CDK16: variants seen among roughly 807,000 people sequenced by gnomAD.
CDK16 encodes the protein cyclin dependent kinase 16.
A neutral mutation model predicts 41.6 loss-of-function variants in CDK16; 2 were observed. The ratio of observed to expected loss-of-function variants is 0.05; its 90% CI spans 0.02 to 0.15. The LOEUF is 0.15. Ranked by LOEUF, CDK16 falls within the 10% of genes least tolerant of loss-of-function variation. The pLI is 1.00. For missense variants in CDK16, 228 were observed against 428.9 expected (o/e 0.53, Z 4.14); for synonymous variants, 169 against 169.7 (o/e 1.00, Z 0.03).
In CDK16 at chrX:47,229,600, C is replaced by T. The variant is rs1247237463; in HGVS notation, c.*832C>T. ...CCCCACTCTTTCTCTCCTGCAGTCC[C>T]GTAGCTGGGGCCTCCTTCCTTCTCA... On this transcript the variant is annotated 3_prime_UTR_variant, in exon 16 of 16. Coordinates refer to ENST00000357227, the MANE Select transcript of CDK16 (RefSeq NM_006201.5). The T allele has an allele frequency of 1.8e-5, 4 of 223,146 alleles. No homozygotes were observed. In the Admixed American group the frequency reaches 2.6e-4, roughly 14 times the overall value. 18.4% of individuals were successfully genotyped at this position (223,146 alleles called of 1,213,427 possible). A position where few individuals can be genotyped will look rare whatever the true frequency, so the allele number is the denominator to read the frequency against.
rs781924240 is a variant in CDK16, at chrX:47,218,683, A to G, written c.-429A>G. ...GTCCGAGGTGAGTCCCCTCCTTTCC[A>G]CTTCACCCTTCCGAGCGCCTGCGTG... is the stretch of plus-strand genomic sequence containing the variant. On this transcript the variant is annotated 5_prime_UTR_variant, in exon 1 of 16. Transcript: ENST00000357227. 8.6e-7 allele frequency: 1 copy of G among 1,164,411 alleles called. No homozygotes were observed. Among genetic ancestry groups the G allele is most frequent in the Non-Finnish European group, 1.1e-6 (1 of 872,080 alleles).
intron 15 of CDK16, 43 bp from the exon 16 acceptor site, chrX:47,228,688 C>G: frequency 8.3e-7 from 1 of 1,208,221 alleles, no homozygotes; most frequent in Non-Finnish European, 1.1e-6. Flanking sequence ...ACCCACCTAC[C>G]TGCTTACCCA....
intron 1 of CDK16, among the ~76,000 whole-genome samples, chrX:47,220,331 G>A (rs1353210859): frequency 1.9e-5 from 2 of 107,288 alleles, no homozygotes; most frequent in African/African-American, 6.9e-5. Flanking sequence ...TGTAATAAGG[G>A]GGATCAGGGC....
chrX:47,222,564 T>C (rs1431886182), intron 1 of CDK16, among the ~76,000 whole-genome samples: 3 of 102,158 alleles, frequency 2.9e-5, no homozygotes, highest in African/African-American at 1.1e-4. Context: ...GGGAAGGGTG[T>C]TCCAGGTACC....
intron 1 of CDK16, chrX:47,223,068 G>C: frequency 8.7e-7 from 1 of 1,151,316 alleles, no homozygotes. Flanking sequence ...AGTCTGCCTT[G>C]GCCTTTGAGG....
chrX:47,220,689 G>A (rs892547766), intron 1 of CDK16, among the ~76,000 whole-genome samples: 2 of 110,893 alleles, frequency 1.8e-5, no homozygotes, highest in East Asian at 5.7e-4. Context: ...AGAGGGGACA[G>A]GACAGTGGAA....
At chrX:47,219,986 G>A (rs1193957896) in intron 1 of CDK16, among the ~76,000 whole-genome samples, 2 of 110,486 alleles carry the variant, frequency 1.8e-5, no homozygotes, top group Non-Finnish European at 3.8e-5. Context: ...GGAAGGAGTG[G>A]TGGGGAAGTG....
Position 47,219,066 on chromosome X carries a change from C to T in CDK16, c.-46C>T. On this transcript the variant is annotated 5_prime_UTR_variant, in exon 1 of 16. Transcript: ENST00000357227. ...GGCCGCCGCCCCAGGCGCCGCCGCG[C>T]CGGCCCCGCGGCTCTGAGGTTGCTC... 2.4e-6 allele frequency: 2 copies of T among 819,541 alleles called. No individual in the cohort carries two copies. The highest frequency in any genetic ancestry group is 2.2e-5 in the African/African-American group (1 of 44,531). The allele number at this position is 819,541 out of a possible 1,213,427, so 67.5% of individuals were successfully genotyped here. A position where few individuals can be genotyped will look rare whatever the true frequency, so the allele number is the denominator to read the frequency against.
chrX:47,227,640 G>C (rs2147337924), intron 14 of CDK16, 171 bp downstream of exon 14: 1 of 438,200 alleles, frequency 2.3e-6, no homozygotes, highest in Admixed American at 4.4e-5. Flanking sequence ...TTAGTTTTCA[G>C]TTCCTTTTAC....
rs1556796204 is a variant in CDK16 at position 47,218,766 on chromosome X, A to G, written c.-346A>G. 2.6e-6 allele frequency: 3 copies of G among 1,153,947 alleles called. No homozygotes were observed. Among genetic ancestry groups the G allele is most frequent in the Non-Finnish European group, 3.4e-6 (3 of 869,893 alleles). ...GGGCCGTTGGCTGTTCGGCCCTGGG[A>G]TCCGCCGCCACTCCGCGATCAGACC... On this transcript the variant is annotated 5_prime_UTR_variant, in exon 1 of 16. Transcript: ENST00000357227.
chrX:47,219,151 A>G, intron 1 of CDK16, 46 bp downstream of exon 1: 1 of 784,721 alleles, frequency 1.3e-6, no homozygotes, highest in Non-Finnish European at 1.5e-6. Context: ...CTCCTTCAGA[A>G]CCCACCTCGG....
At chrX:47,219,827 G>A (rs191663057) in intron 1 of CDK16, among the ~76,000 whole-genome samples, 2 of 110,822 alleles carry the variant, frequency 1.8e-5, no homozygotes, top group Admixed American at 1.9e-4. Flanking sequence ...GTATGCCTGT[G>A]GCCTCGAAGG....
chrX:47,220,647 C>T (rs949216542), intron 1 of CDK16, among the ~76,000 whole-genome samples: 1 of 109,964 alleles, frequency 9.1e-6, no homozygotes, highest in East Asian at 2.9e-4. Context: ...TAATAGAAAT[C>T]AGGCCTGAGT....
intron 1 of CDK16, chrX:47,222,737 A>T: frequency 5.6e-6 from 1 of 178,933 alleles, no homozygotes. Context: ...CACATTGAGG[A>T]CTGGGGCGTG....
intron 1 of CDK16, 95 bp downstream of exon 1, chrX:47,219,200 C>A: frequency 1.3e-6 from 1 of 747,627 alleles, no homozygotes; most frequent in Non-Finnish European, 1.6e-6. Flanking sequence ...CTGGCAGGTG[C>A]CCCCACCCCC....
At chrX:47,222,970 C>CCGGGG in intron 1 of CDK16, 1 of 875,929 alleles carries the variant, frequency 1.1e-6, no homozygotes, top group Non-Finnish European at 1.5e-6. Flanking sequence ...CCCCCCCCAC[C>CCGGGG]TGGGTAGATG....
rs147884170 is a variant in CDK16, at chrX:47,229,263, GT to G, written c.*508del. 5,240 of 154,504 alleles carry G rather than the reference GT, an allele frequency of 0.034. 21 individuals carry two copies. The highest frequency in any genetic ancestry group is 0.073 in the South Asian group (775 of 10,607). 12.7% of individuals were successfully genotyped at this position (154,504 alleles called of 1,213,427 possible). ...CCTTTTTTTGTTTGTTTCATTCATTGTTTTTTTTTTTTTAATTATTTTAAAT... is the reference window on the plus strand; with the variant it reads ...CCTTTTTTTGTTTGTTTCATTCATTGTTTTTTTTTTTTAATTATTTTAAAT... On this transcript the variant is annotated 3_prime_UTR_variant, in exon 16 of 16. Transcript: ENST00000357227.
At chrX:47,219,996 G>A (rs1259852666) in intron 1 of CDK16, among the ~76,000 whole-genome samples, 1 of 110,379 alleles carries the variant, frequency 9.1e-6, no homozygotes, top group Non-Finnish European at 1.9e-5. Context: ...GTGGGGAAGT[G>A]TCTTAGCACT....
chrX:47,226,068 A>C (rs1937538559), intron 8 of CDK16, 41 bp downstream of exon 8: 1 of 1,145,857 alleles, frequency 8.7e-7, no homozygotes, highest in African/African-American at 1.8e-5. Context: ...GGGGGCCCCC[A>C]CTCACCCACT....
Sources: allele counts gnomAD v4.1 joint callset (sites outside exome capture counted in the v4.1 genomes callset), GRCh38; gene constraint gnomAD v4.1.1; transcripts MANE v1.5; gene names NCBI Gene and HGNC (gene_info 2026-07-23, HGNC 2026-07-21).